RAB3GAP1: variants seen among roughly 807,000 people sequenced by gnomAD.
RAB3GAP1 encodes the protein RAB3 GTPase activating protein catalytic subunit 1.
RAB3GAP1 carries 86 observed loss-of-function variants against 130.7 expected under a neutral mutation model. The observed-to-expected ratio is 0.66, with a 90% confidence interval of 0.55 to 0.79. RAB3GAP1 has a LOEUF of 0.79. RAB3GAP1 is among the 30% of genes least tolerant of loss of function. The pLI is 0.00. For synonymous variants in RAB3GAP1, 367 were observed against 401.7 expected, an observed-to-expected ratio of 0.91 and a Z score of 1.03; for missense variants, 1,029 against 1,169.4, an observed-to-expected ratio of 0.88 and a Z score of 1.75.
At chr2:135,086,177 C>G (rs938363409) in intron 3 of RAB3GAP1, among the ~76,000 whole-genome samples, 3 of 152,134 alleles carry the variant, frequency 2.0e-5, no homozygotes, top group African/African-American at 7.2e-5. Flanking sequence ...TTATTATTAT[C>G]AAAGCTTCTC....
At chr2:135,070,781 C>T (rs962838216) in intron 3 of RAB3GAP1, among the ~76,000 whole-genome samples, 1 of 152,068 alleles carries the variant, frequency 6.6e-6, no homozygotes, top group Non-Finnish European at 1.5e-5. Flanking sequence ...CGTGAGCCAC[C>T]ACGCCCGGCC....
intron 19 of RAB3GAP1, 181 bp from the exon 20 acceptor site, chr2:135,162,374 A>G: frequency 1.6e-6 from 1 of 644,104 alleles, no homozygotes. Flanking sequence ...TAATTATTAA[A>G]GATTGAAGTT....
downstream of RAB3GAP1, among the ~76,000 whole-genome samples, chr2:135,173,558 ACTT>A (rs1272575686): frequency 6.6e-6 from 1 of 152,170 alleles, no homozygotes; most frequent in African/African-American, 2.4e-5. Context: ...AGAGGCAAAT[ACTT>A]CTTACTGGGA....
At chr2:135,068,823 A>T (rs2104838388) in intron 3 of RAB3GAP1, among the ~76,000 whole-genome samples, 1 of 152,354 alleles carries the variant, frequency 6.6e-6, no homozygotes, top group South Asian at 2.1e-4. Context: ...ATTTCTCTGT[A>T]ATTCTAAACA....
chr2:135,079,174 T>C (rs188124772), intron 3 of RAB3GAP1, among the ~76,000 whole-genome samples: 121 of 152,188 alleles, frequency 8.0e-4, no homozygotes, highest in Admixed American at 1.9e-3. Flanking sequence ...CAGCCAGAAA[T>C]GTGGTTTCAC....
intron 23 of RAB3GAP1, among the ~76,000 whole-genome samples, chr2:135,166,453 A>G (rs1260971452): frequency 6.6e-6 from 1 of 151,976 alleles, no homozygotes; most frequent in African/African-American, 2.4e-5. Context: ...GGTTTAAGCA[A>G]TCCTCTTGCT....
intron 5 of RAB3GAP1, among the ~76,000 whole-genome samples, chr2:135,104,699 A>AAAATAAATAAATAAAT (rs59733454): frequency 2.0e-5 from 3 of 148,764 alleles, no homozygotes; most frequent in African/African-American, 7.6e-5. Flanking sequence ...CTAAAAATAC[A>AAAATAAATAAATAAAT]AAATAAATAA....
chr2:135,100,599 T>C (rs1690423150), intron 5 of RAB3GAP1, among the ~76,000 whole-genome samples: 1 of 152,242 alleles, frequency 6.6e-6, no homozygotes, highest in Admixed American at 6.5e-5. Flanking sequence ...TTTGTCTTAC[T>C]TGACCTTTCT....
rs748341995 is a variant in RAB3GAP1, at chr2:135,120,873, G to A, written c.703G>A (p.Val235Ile). 6.2e-7 allele frequency: 1 copy of A among 1,613,388 alleles called. No homozygotes were observed. Among genetic ancestry groups the A allele is most frequent in the Non-Finnish European group, 8.5e-7 (1 of 1,179,400 alleles). Reference sequence around the variant, plus strand: ...TAGTATTGCTATTCGATTTACCTATGTACTTCAAGATTGGCAGCAGTATTT... The same window carrying A: ...TAGTATTGCTATTCGATTTACCTATATACTTCAAGATTGGCAGCAGTATTT... ...PVSIAIRFTY[V>I]LQDWQQYFWP... The change falls in exon 8 of 24, where the codon GTA (valine) becomes ATA (isoleucine). Residue 235 changes from valine to isoleucine, a missense_variant. Val to Ile is a conservative substitution (Grantham distance 29). Coordinates refer to ENST00000264158, the MANE Select transcript of RAB3GAP1 (RefSeq NM_012233.3).
At chr2:135,102,303 C>T (rs1180094016) in intron 5 of RAB3GAP1, among the ~76,000 whole-genome samples, 1 of 152,184 alleles carries the variant, frequency 6.6e-6, no homozygotes, top group Non-Finnish European at 1.5e-5. Context: ...CCTCTAGAAA[C>T]TGGAATGGGT....
intron 9 of RAB3GAP1, among the ~76,000 whole-genome samples, chr2:135,125,859 A>T (rs999433921): frequency 2.0e-5 from 3 of 152,224 alleles, no homozygotes; most frequent in African/African-American, 4.8e-5. Flanking sequence ...GAAGCTGTGG[A>T]TAAGGAGGAA....
intron 8 of RAB3GAP1, among the ~76,000 whole-genome samples, chr2:135,122,656 A>G (rs1445450513): frequency 2.0e-5 from 3 of 152,128 alleles, no homozygotes; most frequent in East Asian, 3.8e-4. Flanking sequence ...TGTGCTTTTC[A>G]TATTTTATAT....
At chr2:135,106,066 C>T (rs1277742102) in intron 5 of RAB3GAP1, among the ~76,000 whole-genome samples, 5 of 152,048 alleles carry the variant, frequency 3.3e-5, no homozygotes, top group Admixed American at 3.3e-4. Flanking sequence ...TGAGGAGCGT[C>T]TCGGCCCGGC....
At chr2:135,056,293 C>G (rs1465260207) in intron 2 of RAB3GAP1, among the ~76,000 whole-genome samples, 1 of 152,110 alleles carries the variant, frequency 6.6e-6, no homozygotes, top group African/African-American at 2.4e-5. Context: ...ACCTCTGCCA[C>G]CTGGGTTCAA....
chr2:135,135,504 G>C, intron 16 of RAB3GAP1, 60 bp from the exon 17 acceptor site: 1 of 1,499,552 alleles, frequency 6.7e-7, no homozygotes, highest in South Asian at 1.2e-5. Flanking sequence ...TCAAGCAGTA[G>C]GTAGATTTTT....
intron 5 of RAB3GAP1, among the ~76,000 whole-genome samples, chr2:135,105,657 A>T (rs889863208): frequency 2.0e-5 from 3 of 151,294 alleles, no homozygotes; most frequent in Non-Finnish European, 3.0e-5. Context: ...CCGCCACCCC[A>T]TCTGGGAAGT....
At chr2:135,124,755 C>A (rs1050515339) in intron 9 of RAB3GAP1, among the ~76,000 whole-genome samples, 3 of 152,176 alleles carry the variant, frequency 2.0e-5, no homozygotes, top group Non-Finnish European at 4.4e-5. Flanking sequence ...TATAACTCAG[C>A]AAACTGTGTC....
chr2:135,117,510 TCTGCTTCTTCTGCTTCTTCTG>T (rs1691022956), intron 7 of RAB3GAP1, among the ~76,000 whole-genome samples: 10 of 76,980 alleles, frequency 1.3e-4, no homozygotes, highest in African/African-American at 2.5e-4. Context: ...TTCTTCTTCT[TCTGCTTCTTCTGCTTCTTCTG>T]CTTCTTCTTC....
rs879738066 is a variant in RAB3GAP1, at chr2:135,139,547, T to TA, written c.1923+3629dup. On this transcript the variant is annotated intron_variant, in intron 17 of 23. Transcript: ENST00000264158. ...CAGAGCAAGACCCTGTCTCAAAAAT[T>TA]AAAAAAAAAAAAAATAAAAAGTGCA... is the stretch of plus-strand genomic sequence containing the variant. Among the ~76,000 whole-genome samples, 661 of 140,408 alleles carry TA rather than the reference T, an allele frequency of 4.7e-3. 6 individuals are homozygous for TA. The highest frequency in any genetic ancestry group is 9.9e-3 in the South Asian group (44 of 4,464). The allele number at this position is 140,408 out of a possible 152,430, so 92.1% of individuals were successfully genotyped here.
Sources: gnomAD v4.1 joint callset for allele counts (sites outside exome capture counted in the v4.1 genomes callset) on GRCh38, gnomAD v4.1.1 for gene constraint, MANE v1.5 for transcripts, NCBI Gene and HGNC (gene_info 2026-07-23, HGNC 2026-07-21) for gene names.